PCNX2: variants seen among roughly 807,000 people sequenced by gnomAD.
PCNX2 encodes the protein pecanex-like protein 2.
Under a neutral mutation model 223.8 loss-of-function variants are expected in PCNX2, and 168 were observed. The ratio of observed to expected loss-of-function variants is 0.75; its 90% CI spans 0.66 to 0.85. The LOEUF (loss-of-function observed/expected upper bound fraction) is 0.85. Among genes scored for constraint, PCNX2 ranks in the 40% least tolerant of loss-of-function variants. The probability of loss-of-function intolerance (pLI) is 0.00; values close to 1 mark genes in which losing one functional copy is unlikely to be tolerated. For synonymous variants in PCNX2, 1,006 were observed against 1,052.6 expected (o/e 0.96, Z 0.86); for missense variants, 2,507 against 2,675.5 (o/e 0.94, Z 1.39).
In PCNX2 at chr1:233,265,244, T is replaced by TAAA. The variant is rs60756475; in HGVS notation, c.154-2084_154-2082dup. On this transcript the variant is annotated intron_variant, in intron 1 of 33. Transcript: ENST00000258229. Reference sequence around the variant, plus strand: ...CTGTGCTACCAAGTGAGACCCTCTCTAAAAAAAAAAAAGGAATTATATTCA... The same window carrying TAAA: ...CTGTGCTACCAAGTGAGACCCTCTCTAAAAAAAAAAAAAAAGGAATTATATTCA... Among the ~76,000 whole-genome samples, 301 of 146,600 alleles carry TAAA rather than the reference T, an allele frequency of 2.1e-3. 2 individuals are homozygous for TAAA. Among genetic ancestry groups the TAAA allele is most frequent in the African/African-American group, 5.5e-3 (219 of 39,698 alleles).
chr1:233,156,737 G>A (rs1161508767), intron 19 of PCNX2, among the ~76,000 whole-genome samples: 3 of 152,156 alleles, frequency 2.0e-5, no homozygotes, highest in Non-Finnish European at 2.9e-5. Flanking sequence ...GGCCAACATG[G>A]TGAAACCCCA....
At chr1:233,292,252 C>G (rs1661820030) in intron 1 of PCNX2, among the ~76,000 whole-genome samples, 1 of 140,584 alleles carries the variant, frequency 7.1e-6, no homozygotes, top group Non-Finnish European at 1.5e-5. Flanking sequence ...TGTCACCCAG[C>G]CTGGAGTGCA....
chr1:233,130,723 T>G (rs1417346389), intron 21 of PCNX2, among the ~76,000 whole-genome samples: 2 of 152,020 alleles, frequency 1.3e-5, no homozygotes, highest in Non-Finnish European at 2.9e-5. Flanking sequence ...GACCTCATGA[T>G]CCGCTTGCCT....
At chr1:233,185,475 A>G (rs1213775383) in intron 15 of PCNX2, among the ~76,000 whole-genome samples, 2 of 152,190 alleles carry the variant, frequency 1.3e-5, no homozygotes, top group East Asian at 3.9e-4. Flanking sequence ...TTTCATTTAA[A>G]AAAAAAGGTT....
intron 28 of PCNX2, among the ~76,000 whole-genome samples, chr1:233,011,644 C>A (rs1403623840): frequency 6.6e-6 from 1 of 152,026 alleles, no homozygotes; most frequent in Non-Finnish European, 1.5e-5. Context: ...CCATAAAAAG[C>A]CCAAAGGACA....
At position 233,126,955 on chromosome 1, in the gene PCNX2, T is replaced by C. The variant is rs1324429800; in HGVS notation, c.3837+8058A>G. On this transcript the variant is annotated intron_variant, in intron 21 of 33. Coordinates refer to ENST00000258229, the MANE Select transcript of PCNX2 (RefSeq NM_014801.4). This position sits in a 1 kb window ranked among gnomAD's most constrained non-coding sequence, Gnocchi z 4.8. ...CACTGCACTCTCCCCCGTATCTATCTGATCACTAAACGTAATCAATTCTCT... is the reference window on the plus strand; with the variant it reads ...CACTGCACTCTCCCCCGTATCTATCCGATCACTAAACGTAATCAATTCTCT... Among the ~76,000 whole-genome samples the C allele has an allele frequency of 6.6e-6, 1 of 152,170 alleles. No homozygotes were observed. Among genetic ancestry groups the C allele is most frequent in the East Asian group, 1.9e-4 (1 of 5,182 alleles).
rs542531687 is a variant in PCNX2, at chr1:233,001,193, G to C, written c.5097+344C>G. Among the ~76,000 whole-genome samples, 1 of 152,222 alleles carries C rather than the reference G, an allele frequency of 6.6e-6. No homozygotes were observed. Among genetic ancestry groups the C allele is most frequent in the South Asian group, 2.1e-4 (1 of 4,822 alleles). ...AGCGATAGTTTTTTCTAAAAAAATA[G>C]GTTTGGCCAGGTGCAGTGGCTCACG... is the stretch of plus-strand genomic sequence containing the variant. On this transcript the variant is annotated intron_variant, in intron 29 of 33. Coordinates refer to ENST00000258229, the MANE Select transcript of PCNX2 (RefSeq NM_014801.4). This position sits in a 1 kb window ranked among gnomAD's most constrained non-coding sequence, Gnocchi z 4.2.
chr1:233,160,238 T>C (rs1465928879), intron 19 of PCNX2, 45 bp downstream of exon 19: 7 of 1,569,484 alleles, frequency 4.5e-6, no homozygotes, highest in Non-Finnish European at 5.2e-6. Flanking sequence ...AATGTATACC[T>C]ACCCCTCCTT....
intron 8 of PCNX2, among the ~76,000 whole-genome samples, chr1:233,237,959 T>C (rs1050792496): frequency 5.9e-5 from 9 of 152,168 alleles, no homozygotes; most frequent in African/African-American, 2.2e-4. Flanking sequence ...AGTTCTTAAG[T>C]AGTAACAAAA....
chr1:233,099,235 C>A (rs891320985), intron 21 of PCNX2, among the ~76,000 whole-genome samples: 2 of 152,188 alleles, frequency 1.3e-5, no homozygotes, highest in African/African-American at 4.8e-5. Flanking sequence ...GAAGAACCTG[C>A]CTGACATGCA....
chr1:233,153,224 G>A (rs1171922974), intron 19 of PCNX2, among the ~76,000 whole-genome samples: 1 of 152,170 alleles, frequency 6.6e-6, no homozygotes, highest in Non-Finnish European at 1.5e-5. Flanking sequence ...AGGAGCTCTT[G>A]AAAGTTTCTT....
intron 23 of PCNX2, among the ~76,000 whole-genome samples, chr1:233,088,471 A>G (rs1307528705): frequency 6.6e-6 from 1 of 152,196 alleles, no homozygotes; most frequent in African/African-American, 2.4e-5. Context: ...ATTTTCTCCT[A>G]AAAAAGCTTA....
Position 232,984,028 on chromosome 1 carries a change from G to A in PCNX2, c.*276C>T. The A allele has an allele frequency of 3.2e-6, 1 of 316,994 alleles. No homozygotes were observed. The highest frequency in any genetic ancestry group is 5.8e-5 in the East Asian group (1 of 17,206). 19.6% of individuals were successfully genotyped at this position (316,994 alleles called of 1,614,324 possible). A position where few individuals can be genotyped will look rare whatever the true frequency, so the allele number is the denominator to read the frequency against. On this transcript the variant is annotated 3_prime_UTR_variant, in exon 34 of 34. Transcript: ENST00000258229. ...GCCGCTCTGGGCAGCGCTGTGCCTG[G>A]CCAGGGAGGTGTGGTGTGGCTTCTT...
At chr1:233,260,234 T>C (rs1659976951) in intron 4 of PCNX2, among the ~76,000 whole-genome samples, 1 of 152,230 alleles carries the variant, frequency 6.6e-6, no homozygotes, top group Non-Finnish European at 1.5e-5. Context: ...ACATTTTACA[T>C]ACTATGACTC....
At chr1:233,295,951 T>TTCC (rs1476179816), upstream of PCNX2, among the ~76,000 whole-genome samples, 58 of 148,724 alleles carry the variant, frequency 3.9e-4, no homozygotes, top group African/African-American at 1.2e-3. The surrounding 1 kb of genome is among the most constrained non-coding windows in gnomAD (Gnocchi z 4.1). Context: ...CCTTCCTTCC[T>TTCC]TTCTCTCTCT....
At chr1:233,194,080 AC>A (rs1490214288) in intron 15 of PCNX2, among the ~76,000 whole-genome samples, 1 of 149,702 alleles carries the variant, frequency 6.7e-6, no homozygotes, top group Non-Finnish European at 1.5e-5. Context: ...AAAAAAAAAA[AC>A]GCCATACACT....
At chr1:233,140,871 C>G (rs1471167405) in intron 19 of PCNX2, among the ~76,000 whole-genome samples, 2 of 152,158 alleles carry the variant, frequency 1.3e-5, no homozygotes, top group Non-Finnish European at 2.9e-5. Flanking sequence ...GCCCCCTCCT[C>G]TCTGTCTGTC....
chr1:233,245,615 G>GT lies in PCNX2; in HGVS notation c.2222+5123dup, dbSNP rs567988281. Among the ~76,000 whole-genome samples, 4 of 152,258 alleles carry GT rather than the reference G, an allele frequency of 2.6e-5. No homozygotes were observed. In the South Asian group the frequency reaches 8.3e-4, roughly 32 times the overall value. ...CGCACAACCTGTGGTCTGTGGTGTT[G>GT]TTAAAAAAAATTTAAATCGGCTGGG... On this transcript the variant is annotated intron_variant, in intron 8 of 33. Coordinates refer to ENST00000258229, the MANE Select transcript of PCNX2 (RefSeq NM_014801.4).
At chr1:233,141,230 T>A (rs1677092637) in intron 19 of PCNX2, among the ~76,000 whole-genome samples, 1 of 152,210 alleles carries the variant, frequency 6.6e-6, no homozygotes. Flanking sequence ...ACTGGGGCTC[T>A]GCATGACAGA....
Sources: allele counts gnomAD v4.1 joint callset (sites outside exome capture counted in the v4.1 genomes callset), GRCh38; gene constraint gnomAD v4.1.1; non-coding constraint Gnocchi (gnomAD v3.1); transcripts MANE v1.5; gene names NCBI Gene and HGNC (gene_info 2026-07-23, HGNC 2026-07-21).